Variants in CDH13 observed in about 807,000 individuals in gnomAD.
CDH13 encodes cadherin-13.
CDH13 carries 24 observed loss-of-function variants against 63.8 expected under a neutral mutation model. That is an observed-to-expected ratio of 0.38 (90% CI 0.27 to 0.53). CDH13 has a LOEUF of 0.53. Ranked by LOEUF, CDH13 falls within the 20% of genes least tolerant of loss-of-function variation. CDH13 has a pLI of 0.85. For synonymous variants in CDH13, 503 were observed against 355.3 expected (o/e 1.42, Z -4.67); for missense variants, 1,049 against 903.1 (o/e 1.16, Z -2.07).
Position 83,191,492 on chromosome 16 carries a change from C to CAG in CDH13, c.484-25852_484-25851insGA, listed in dbSNP as rs1206190827. ...ATATATATATATATATATATATGCA[C>CAG]ATATATATATATACACACACACACA... On this transcript the variant is annotated intron_variant, in intron 4 of 13. Coordinates refer to ENST00000567109, the MANE Select transcript of CDH13 (RefSeq NM_001257.5). Among the ~76,000 whole-genome samples, 588 of 92,674 alleles carry CAG rather than the reference C, an allele frequency of 6.3e-3. 5 individuals carry two copies. The highest frequency in any genetic ancestry group is 0.023 in the African/African-American group (562 of 24,262). 60.8% of individuals were successfully genotyped at this position (92,674 alleles called of 152,430 possible).
At chr16:83,261,522 G>C (rs970493000) in intron 5 of CDH13, among the ~76,000 whole-genome samples, 1 of 152,030 alleles carries the variant, frequency 6.6e-6, no homozygotes, top group Non-Finnish European at 1.5e-5. Flanking sequence ...GTTCTGGAAA[G>C]TATCTATTAG....
At chr16:83,315,047 G>C (rs1342165669) in intron 5 of CDH13, among the ~76,000 whole-genome samples, 2 of 152,148 alleles carry the variant, frequency 1.3e-5, no homozygotes, top group Non-Finnish European at 2.9e-5. Context: ...AACTACAAAA[G>C]GGTCACCCAT....
At chr16:83,739,246 G>A (rs977244568) in intron 10 of CDH13, among the ~76,000 whole-genome samples, 2 of 151,994 alleles carry the variant, frequency 1.3e-5, no homozygotes, top group African/African-American at 2.4e-5. Context: ...GGGTGTCTAC[G>A]TGACCAGCCC....
At chr16:83,169,561 T>G (rs1597457182) in intron 4 of CDH13, among the ~76,000 whole-genome samples, 1 of 112,042 alleles carries the variant, frequency 8.9e-6, no homozygotes, top group African/African-American at 7.1e-5. Flanking sequence ...AGTGGTAAGG[T>G]TTTTTTTTTG....
chr16:82,842,161 T>C (rs868474821), intron 1 of CDH13, among the ~76,000 whole-genome samples: 1,288 of 24,178 alleles, frequency 0.053, 58 homozygotes, highest in African/African-American at 0.097. Context: ...TATATATATA[T>C]ATACACACAC....
intron 5 of CDH13, among the ~76,000 whole-genome samples, chr16:83,323,174 TTTTCTTTCTTTC>T (rs1555530161): frequency 2.4e-5 from 2 of 82,256 alleles, no homozygotes; most frequent in African/African-American, 9.5e-5. Flanking sequence ...TCTCTTTCTT[TTTTCTTTCTTTC>T]TTTCTTTCTT....
At chr16:83,577,420 C>G (rs1332883213) in intron 7 of CDH13, among the ~76,000 whole-genome samples, 1 of 152,174 alleles carries the variant, frequency 6.6e-6, no homozygotes, top group African/African-American at 2.4e-5. Context: ...GCTGTTGGGT[C>G]CAGCTCTCTG....
chr16:83,720,710 T>C (rs1202331643), intron 10 of CDH13, among the ~76,000 whole-genome samples: 2 of 152,202 alleles, frequency 1.3e-5, no homozygotes, highest in African/African-American at 4.8e-5. Flanking sequence ...CTCCACTGGC[T>C]TCCATACTCT....
At chr16:82,936,743 G>A (rs1016133566) in intron 2 of CDH13, among the ~76,000 whole-genome samples, 30 of 152,180 alleles carry the variant, frequency 2.0e-4, no homozygotes, top group African/African-American at 6.0e-4. Flanking sequence ...CGAGCACTGT[G>A]AGAATAGGTA....
At chr16:82,815,628 G>C (rs889779300) in intron 1 of CDH13, among the ~76,000 whole-genome samples, 1 of 152,140 alleles carries the variant, frequency 6.6e-6, no homozygotes, top group Non-Finnish European at 1.5e-5. Flanking sequence ...CAAAATGCTG[G>C]TGGATGCTGC....
chr16:83,734,797 T>G (rs1025995338), intron 10 of CDH13, among the ~76,000 whole-genome samples: 10 of 151,330 alleles, frequency 6.6e-5, no homozygotes, highest in Admixed American at 2.6e-4. Flanking sequence ...AGTTGGTCAG[T>G]AGGAAGCAGG....
chr16:83,512,198 G>A (rs574198997), intron 7 of CDH13, among the ~76,000 whole-genome samples: 3 of 151,640 alleles, frequency 2.0e-5, no homozygotes, highest in Non-Finnish European at 4.4e-5. Context: ...GCGGGTGCCT[G>A]TAGTCCCAGC....
intron 4 of CDH13, among the ~76,000 whole-genome samples, chr16:83,196,122 G>C (rs1342329363): frequency 6.6e-6 from 1 of 152,194 alleles, no homozygotes; most frequent in Admixed American, 6.5e-5. Flanking sequence ...CAGGCTTGGT[G>C]GTGGGCACCT....
chr16:82,654,543 T>C (rs575377858), intron 1 of CDH13, among the ~76,000 whole-genome samples: 3 of 152,346 alleles, frequency 2.0e-5, no homozygotes, highest in East Asian at 3.9e-4. Context: ...GGCTTCCTTC[T>C]GTCTTTTTGA....
At chr16:82,989,885 T>C (rs1911439471) in intron 2 of CDH13, among the ~76,000 whole-genome samples, 1 of 152,166 alleles carries the variant, frequency 6.6e-6, no homozygotes, top group Non-Finnish European at 1.5e-5. Flanking sequence ...ATCATAGAAA[T>C]TCTCTCTAGC....
chr16:83,653,354 C>T (rs1243961434), intron 8 of CDH13, among the ~76,000 whole-genome samples: 2 of 152,094 alleles, frequency 1.3e-5, no homozygotes, highest in African/African-American at 2.4e-5. Context: ...TGCATAGCAC[C>T]ATGTCTAAAG....
intron 1 of CDH13, among the ~76,000 whole-genome samples, chr16:82,683,583 C>G (rs953539903): frequency 6.6e-6 from 1 of 152,194 alleles, no homozygotes; most frequent in Non-Finnish European, 1.5e-5. Flanking sequence ...GAAGGACCAG[C>G]AGCTCTCAAG....
At chr16:83,408,110 C>G (rs1427632990) in intron 6 of CDH13, among the ~76,000 whole-genome samples, 1 of 152,188 alleles carries the variant, frequency 6.6e-6, no homozygotes, top group Admixed American at 6.5e-5. Context: ...TCATTTGCTG[C>G]TAAAGATGTA....
chr16:82,719,223 C>T (rs1434010167), intron 1 of CDH13: 3 of 321,450 alleles, frequency 9.3e-6, no homozygotes, highest in African/African-American at 6.5e-5. Context: ...CAGGAGTTTC[C>T]ACGAGCAGGA....
Sources: gnomAD v4.1 joint callset for allele counts (sites outside exome capture counted in the v4.1 genomes callset) on GRCh38, gnomAD v4.1.1 for gene constraint, MANE v1.5 for transcripts, NCBI Gene and HGNC (gene_info 2026-07-23, HGNC 2026-07-21) for gene names.